The following LOC128462377 variants were observed in gnomAD, a reference collection of about 807,000 sequenced individuals.
the LOC128462377 span, among the ~76,000 whole-genome samples, chr16:89,337,429 C>CTTTTTTTTTTTTTTTTTTTTTTT: frequency 1.9e-5 from 1 of 53,118 alleles, no homozygotes; most frequent in Non-Finnish European, 3.2e-5. Flanking sequence ...CTAAGCAATT[C>CTTTTTTTTTTTTTTTTTTTTTTT]TTTTTTTTTT....
chr16:89,381,691 AAAC>A, the LOC128462377 span, among the ~76,000 whole-genome samples: 1 of 152,186 alleles, frequency 6.6e-6, no homozygotes, highest in South Asian at 2.1e-4. Flanking sequence ...TCTCATCAGG[AAAC>A]AGATGCCCTC....
the LOC128462377 span, among the ~76,000 whole-genome samples, chr16:89,382,558 C>T: frequency 1.3e-4 from 20 of 151,988 alleles, no homozygotes; most frequent in Admixed American, 3.9e-4. Context: ...AACTCCTGAC[C>T]TCAAGTGATC....
At chr16:89,395,957 C>G in the LOC128462377 span, 1 of 152,304 alleles carries the variant, frequency 6.6e-6, no homozygotes, top group South Asian at 2.1e-4. Context: ...CTGCCGCACA[C>G]CAGACACAGC....
At chr16:89,364,458 C>T in the LOC128462377 span, among the ~76,000 whole-genome samples, 2 of 152,220 alleles carry the variant, frequency 1.3e-5, no homozygotes, top group African/African-American at 4.8e-5. Context: ...GTTTGAGATG[C>T]TACTTAAACA....
At chr16:89,339,290 T>A in the LOC128462377 span, among the ~76,000 whole-genome samples, 1 of 152,228 alleles carries the variant, frequency 6.6e-6, no homozygotes, top group Non-Finnish European at 1.5e-5. Flanking sequence ...TAGAGATGTC[T>A]GAATTCCCCC....
chr16:89,386,592 T>C, the LOC128462377 span, among the ~76,000 whole-genome samples: 10 of 151,162 alleles, frequency 6.6e-5, no homozygotes, highest in African/African-American at 1.9e-4. Flanking sequence ...CGGGGAGGAG[T>C]GTATCCAAAA....
At chr16:89,354,398 GAC>G in the LOC128462377 span, among the ~76,000 whole-genome samples, 1 of 152,174 alleles carries the variant, frequency 6.6e-6, no homozygotes, top group African/African-American at 2.4e-5. Context: ...AAAAGTGCTT[GAC>G]ACAGTCAACA....
At chr16:89,388,286 GA>G in the LOC128462377 span, among the ~76,000 whole-genome samples, 2 of 92,396 alleles carry the variant, frequency 2.2e-5, no homozygotes, top group Non-Finnish European at 5.1e-5. Context: ...TTCTCTCCAT[GA>G]GGCTGATTTT....
the LOC128462377 span, among the ~76,000 whole-genome samples, chr16:89,355,774 A>G: frequency 6.6e-6 from 1 of 152,244 alleles, no homozygotes; most frequent in African/African-American, 2.4e-5. Flanking sequence ...GCAGCCTGAC[A>G]ATCGCATCTG....
At chr16:89,331,700 A>T in the LOC128462377 span, among the ~76,000 whole-genome samples, 4 of 152,276 alleles carry the variant, frequency 2.6e-5, no homozygotes, top group African/African-American at 9.6e-5. Flanking sequence ...AGCTCCCTAC[A>T]GCCTCGAACT....
chr16:89,399,974 A>T, the LOC128462377 span, among the ~76,000 whole-genome samples: 5 of 152,104 alleles, frequency 3.3e-5, no homozygotes, highest in Admixed American at 6.5e-5. Flanking sequence ...CCTCTGCCCC[A>T]GGCTTCCTGC....
At chr16:89,393,389 T>C in the LOC128462377 span, among the ~76,000 whole-genome samples, 2 of 150,622 alleles carry the variant, frequency 1.3e-5, no homozygotes, top group African/African-American at 4.9e-5. Flanking sequence ...AGTGGCGCAA[T>C]ATTGGCTCAC....
chr16:89,413,854 C>A, the LOC128462377 span, among the ~76,000 whole-genome samples: 1 of 152,176 alleles, frequency 6.6e-6, no homozygotes, highest in East Asian at 1.9e-4. Flanking sequence ...AAGAGCCTCT[C>A]TCTGCTTTCA....
At chr16:89,350,608 G>A in the LOC128462377 span, among the ~76,000 whole-genome samples, 5 of 152,160 alleles carry the variant, frequency 3.3e-5, no homozygotes, top group East Asian at 1.9e-4. Flanking sequence ...TACAGTGACC[G>A]AAAGCACATC....
chr16:89,317,949 G>T, the LOC128462377 span, among the ~76,000 whole-genome samples: 1 of 152,126 alleles, frequency 6.6e-6, no homozygotes, highest in Non-Finnish European at 1.5e-5. Flanking sequence ...GCAGAGCCAG[G>T]TAAAGGAAAC....
chr16:89,319,764 G>A, the LOC128462377 span, among the ~76,000 whole-genome samples: 2 of 152,216 alleles, frequency 1.3e-5, no homozygotes, highest in African/African-American at 2.4e-5. Context: ...CCCAGGACCC[G>A]CCTGCAGGCA....
chr16:89,379,490 T>C, the LOC128462377 span, among the ~76,000 whole-genome samples: 1 of 152,100 alleles, frequency 6.6e-6, no homozygotes, highest in Non-Finnish European at 1.5e-5. Context: ...GAGTCCAACT[T>C]GAACATTTTT....
At chr16:89,352,571 T>C in the LOC128462377 span, among the ~76,000 whole-genome samples, 1 of 152,156 alleles carries the variant, frequency 6.6e-6, no homozygotes, top group Non-Finnish European at 1.5e-5. Context: ...TCAGGGCCAC[T>C]TCCTCTCGCC....
At chr16:89,353,095 G>A in the LOC128462377 span, among the ~76,000 whole-genome samples, 1 of 152,206 alleles carries the variant, frequency 6.6e-6, no homozygotes, top group Non-Finnish European at 1.5e-5. Context: ...ATTAATCCCA[G>A]CACTTTGGGA....
Sources: gnomAD v4.1 joint callset for allele counts (sites outside exome capture counted in the v4.1 genomes callset) on GRCh38, gnomAD v4.1.1 for gene constraint, MANE v1.5 for transcripts.